ABCC5: variants seen among roughly 807,000 people sequenced by gnomAD.
ABCC5 encodes ATP binding cassette subfamily C member 5, also known as ATP-binding cassette sub-family C member 5.
A neutral mutation model predicts 160.9 loss-of-function variants in ABCC5; 61 were observed. That is an observed-to-expected ratio of 0.38 (90% CI 0.31 to 0.47). The LOEUF (loss-of-function observed/expected upper bound fraction) is 0.47. ABCC5 is among the 20% of genes least tolerant of loss of function. The probability of loss-of-function intolerance (pLI) is 0.99; values close to 1 mark genes in which losing one functional copy is unlikely to be tolerated. For missense variants in ABCC5, 1,308 were observed against 1,813.3 expected, an observed-to-expected ratio of 0.72 and a Z score of 5.06; for synonymous variants, 666 against 700.6, an observed-to-expected ratio of 0.95 and a Z score of 0.78.
At chr3:184,007,340 T>G (rs1721309775) in intron 2 of ABCC5, among the ~76,000 whole-genome samples, 2 of 152,020 alleles carry the variant, frequency 1.3e-5, no homozygotes, top group Admixed American at 1.3e-4. Flanking sequence ...TATTTTTCCA[T>G]TCTTCCTTCT....
In ABCC5 at chr3:183,989,215, C is replaced by G; in HGVS notation, c.287+11G>C. 1 of 1,591,388 alleles carries G rather than the reference C, an allele frequency of 6.3e-7. No homozygotes were observed. Among genetic ancestry groups the G allele is most frequent in the Non-Finnish European group, 8.6e-7 (1 of 1,165,484 alleles). ...GATGCTTCACTGTCATCACTCAGCACGGCATCTTACTTGGAAGTAGTCCGG... is the reference window on the plus strand; with the variant it reads ...GATGCTTCACTGTCATCACTCAGCAGGGCATCTTACTTGGAAGTAGTCCGG... On this transcript the variant is annotated intron_variant, in intron 3 of 29. Transcript: ENST00000334444.
At position 183,947,462 on chromosome 3, in the gene ABCC5, C is replaced by T. The variant is rs745426596; in HGVS notation, c.3276G>A (p.Thr1092=). 14 of 1,605,890 alleles carry T rather than the reference C, an allele frequency of 8.7e-6. No homozygotes were observed. Among genetic ancestry groups the T allele is most frequent in the Middle Eastern group, 3.3e-4 (2 of 6,040 alleles). ...DDNQAPFFLF[T]CAMRWLAVRL... ...GCACAGCCAGCCACCGCATCGCACA[C>T]GTAAACAAAAAAAAAGGAGCTTGGT... The change falls in exon 23 of 30, where the codon ACG becomes ACA. Residue 1092 remains threonine (T), a synonymous_variant. Transcript: ENST00000334444.
intron 2 of ABCC5, among the ~76,000 whole-genome samples, chr3:183,994,763 A>T (rs952593849): frequency 3.9e-5 from 6 of 152,042 alleles, no homozygotes; most frequent in Non-Finnish European, 1.5e-5. Context: ...CTAATGGTGA[A>T]CGAATAATGT....
At position 183,971,910 on chromosome 3, in the gene ABCC5, G is replaced by A; in HGVS notation, c.1414C>T (p.Leu472=). The change falls in exon 11 of 30, where the codon CTA becomes TTA. Residue 472 remains leucine (L), a synonymous_variant. Transcript: ENST00000334444. ...VAVDRFKSLF[L]MEEVHMIKNK... ...TTTATCATGTGAACCTCTTCCATTAGAAACAAACTCTGATAGGAGTTGTGA... is the reference window on the plus strand; with the variant it reads ...TTTATCATGTGAACCTCTTCCATTAAAAACAAACTCTGATAGGAGTTGTGA... The A allele has an allele frequency of 6.2e-7, 1 of 1,614,034 alleles. No individual in the cohort carries two copies. The highest frequency in any genetic ancestry group is 1.3e-5 in the African/African-American group (1 of 75,034).
chr3:184,013,779 C>T (rs576762355), intron 2 of ABCC5, among the ~76,000 whole-genome samples: 2 of 152,286 alleles, frequency 1.3e-5, no homozygotes, highest in East Asian at 3.9e-4. Flanking sequence ...GAGAGGGTGA[C>T]AGCCAGCCTC....
intron 29 of ABCC5, among the ~76,000 whole-genome samples, chr3:183,924,455 T>C (rs972106980): frequency 2.0e-5 from 3 of 152,214 alleles, no homozygotes; most frequent in Non-Finnish European, 4.4e-5. Flanking sequence ...CTAAGCACAG[T>C]GCCTGACACA....
At chr3:183,960,805 A>G (rs1375898292) in intron 16 of ABCC5, among the ~76,000 whole-genome samples, 1 of 149,538 alleles carries the variant, frequency 6.7e-6, no homozygotes, top group African/African-American at 2.5e-5. Context: ...TTTTTTCTTG[A>G]GATGGAATCA....
At chr3:183,977,217 C>T (rs775260990) in intron 10 of ABCC5, among the ~76,000 whole-genome samples, 3 of 152,200 alleles carry the variant, frequency 2.0e-5, no homozygotes, top group African/African-American at 7.2e-5. Flanking sequence ...CAGTGAGTTG[C>T]GACACATCCA....
At chr3:183,944,850 G>A (rs1057508305) in intron 24 of ABCC5, among the ~76,000 whole-genome samples, 3 of 152,152 alleles carry the variant, frequency 2.0e-5, no homozygotes, top group Non-Finnish European at 4.4e-5. Flanking sequence ...CCTTGATGTG[G>A]TTTGGCTCTG....
intron 16 of ABCC5, 29 bp downstream of exon 16, chr3:183,961,482 G>A (rs1716728771): frequency 6.2e-7 from 1 of 1,611,434 alleles, no homozygotes; most frequent in African/African-American, 1.3e-5. Context: ...AGACAGAAGG[G>A]GACACACGCA....
rs749079691 is a variant in ABCC5 at position 183,937,902 on chromosome 3, T to C, written c.3853A>G (p.Arg1285Gly). 1 of 1,614,094 alleles carries C rather than the reference T, an allele frequency of 6.2e-7. No homozygotes were observed. The highest frequency in any genetic ancestry group is 8.5e-7 in the Non-Finnish European group (1 of 1,179,984). The change falls in exon 26 of 30, where the codon AGA becomes GGA. Residue 1285 changes from arginine to glycine, a missense_variant and splice_region_variant. Physicochemically the swap from Arg to Gly is moderately radical, Grantham distance 125. Coordinates refer to ENST00000334444, the MANE Select transcript of ABCC5 (RefSeq NM_005688.4). ...ACATGCAGGTGCTCAGGTCCTCACC[T>C]GACAGTGCCACTGAACAGCACCGGC... ...QEPVLFSGTV[R>G]SNLDPFNQYT...
At chr3:183,962,354 G>A (rs781330564) in intron 15 of ABCC5, among the ~76,000 whole-genome samples, 1 of 148,166 alleles carries the variant, frequency 6.7e-6, no homozygotes, top group African/African-American at 2.4e-5. Flanking sequence ...AAGTTGAACC[G>A]TAAGCCAGCG....
In ABCC5 at chr3:183,987,435, A is replaced by T; in HGVS notation, c.591+335T>A. ...AGCCCGGGCCACACAACGTGCTCTC[A>T]CCCACTCATAGCACTGCAAGACACA... is the stretch of plus-strand genomic sequence containing the variant. On this transcript the variant is annotated intron_variant, in intron 5 of 29. Transcript: ENST00000334444. The surrounding 1 kb of genome is among the most constrained non-coding windows in gnomAD (Gnocchi z 4.2). The T allele has an allele frequency of 1.8e-6, 1 of 565,390 alleles. No individual in the cohort carries two copies. Among genetic ancestry groups the T allele is most frequent in the East Asian group, 2.9e-5 (1 of 34,942 alleles). The allele number at this position is 565,390 out of a possible 1,614,324, so 35.0% of individuals were successfully genotyped here.
intron 11 of ABCC5, among the ~76,000 whole-genome samples, chr3:183,968,017 C>T (rs532255424): frequency 2.0e-5 from 3 of 152,292 alleles, no homozygotes; most frequent in South Asian, 4.1e-4. Context: ...AGTATCCCAC[C>T]GTCATTCTTA....
rs1295451233 is a variant in ABCC5, at chr3:183,967,862, T to A, written c.1762-96A>T. The A allele has an allele frequency of 6.0e-6, 6 of 995,160 alleles. No homozygotes were observed. The Admixed American group carries it at 1.1e-4, about 18-fold the overall frequency. 61.6% of individuals were successfully genotyped at this position (995,160 alleles called of 1,614,324 possible). ...AAACACATTAACTGTAGTCTACCCA[T>A]ACAGAACTGTCACCCTGATGACTCA... On this transcript the variant is annotated intron_variant, in intron 11 of 29. Coordinates refer to ENST00000334444, the MANE Select transcript of ABCC5 (RefSeq NM_005688.4).
intron 2 of ABCC5, among the ~76,000 whole-genome samples, chr3:184,004,178 A>T (rs1720977717): frequency 6.6e-6 from 1 of 151,188 alleles, no homozygotes; most frequent in African/African-American, 2.4e-5. Flanking sequence ...TTTGCATTTG[A>T]CAAAATCCCT....
At chr3:183,994,674 A>G (rs1438243974) in intron 2 of ABCC5, among the ~76,000 whole-genome samples, 1 of 152,034 alleles carries the variant, frequency 6.6e-6, no homozygotes, top group Non-Finnish European at 1.5e-5. Flanking sequence ...GCACCTGGCC[A>G]GTATTGGCAT....
intron 26 of ABCC5, among the ~76,000 whole-genome samples, chr3:183,929,090 A>G (rs2108762182): frequency 6.6e-6 from 1 of 152,262 alleles, no homozygotes; most frequent in South Asian, 2.1e-4. Context: ...ATAAATGCAA[A>G]TATCGGCAAA....
In ABCC5 at chr3:183,987,794, C is replaced by T. The variant is rs374982100; in HGVS notation, c.567G>A (p.Thr189=). ...LILSIVCLMI[T]QLAGFSGPAF... is the part of the protein sequence containing the mutation. ...CTGGTCCACTGAAGCCAGCCAGCTGCGTGATCATCAGGCACACGATGGACA... is the reference window on the plus strand; with the variant it reads ...CTGGTCCACTGAAGCCAGCCAGCTGTGTGATCATCAGGCACACGATGGACA... Residue 189 remains threonine (T), a synonymous_variant, in exon 5 of 30, where the codon ACG becomes ACA. Transcript: ENST00000334444. This position sits in a 1 kb window ranked among gnomAD's most constrained non-coding sequence, Gnocchi z 4.2. The T allele has an allele frequency of 3.7e-6, 6 of 1,614,064 alleles. No individual in the cohort carries two copies. The highest frequency in any genetic ancestry group is 1.7e-5 in the Admixed American group (1 of 60,006).
Sources: gnomAD v4.1 joint callset for allele counts (sites outside exome capture counted in the v4.1 genomes callset) on GRCh38, gnomAD v4.1.1 for gene constraint, Gnocchi (gnomAD v3.1) non-coding constraint, MANE v1.5 for transcripts, NCBI Gene and HGNC (gene_info 2026-07-23, HGNC 2026-07-21) for gene names.